The following HNF4G variants were observed in gnomAD, a reference collection of about 807,000 sequenced individuals.
The protein encoded by HNF4G is hepatocyte nuclear factor 4-gamma.
Under a neutral mutation model 50.9 loss-of-function variants are expected in HNF4G, and 21 were observed. The observed-to-expected ratio is 0.41, with a 90% confidence interval of 0.29 to 0.59. The LOEUF is 0.59. HNF4G is among the 20% of genes least tolerant of loss of function. HNF4G has a pLI of 0.26. For missense variants in HNF4G, 527 were observed against 559.4 expected, an observed-to-expected ratio of 0.94 and a Z score of 0.58; for synonymous variants, 198 against 185.6, an observed-to-expected ratio of 1.07 and a Z score of -0.54.
At chr8:75,552,101 C>T (rs1284465333) in intron 4 of HNF4G, among the ~76,000 whole-genome samples, 1 of 152,040 alleles carries the variant, frequency 6.6e-6, no homozygotes, top group Non-Finnish European at 1.5e-5. Context: ...TTTAGCATTG[C>T]CCTTATTAGA....
intron 1 of HNF4G, among the ~76,000 whole-genome samples, chr8:75,486,131 C>T (rs1182799756): frequency 1.3e-5 from 2 of 152,174 alleles, no homozygotes; most frequent in Admixed American, 6.5e-5. Flanking sequence ...GAATTACAGT[C>T]CCTGCCTTAA....
At chr8:75,423,811 CTTTCTTTTTTTTTTTT>C (rs1188042370) in intron 1 of HNF4G, among the ~76,000 whole-genome samples, 1 of 58,496 alleles carries the variant, frequency 1.7e-5, no homozygotes, top group African/African-American at 5.8e-5. Flanking sequence ...TGCCAAGTTT[CTTTCTTTTTTTTTTTT>C]TTTTTTTTTT....
intron 2 of HNF4G, among the ~76,000 whole-genome samples, chr8:75,495,073 G>T (rs1053293768): frequency 6.6e-6 from 1 of 152,062 alleles, no homozygotes; most frequent in Non-Finnish European, 1.5e-5. Flanking sequence ...TGATAGGAGA[G>T]AAAAAATGGC....
intron 2 of HNF4G, among the ~76,000 whole-genome samples, chr8:75,531,988 A>G (rs1045106936): frequency 6.6e-6 from 1 of 152,042 alleles, no homozygotes; most frequent in Admixed American, 6.6e-5. Context: ...TAATGGCTTT[A>G]TATTATGTTT....
At chr8:75,522,352 G>A (rs1806067422) in intron 2 of HNF4G, among the ~76,000 whole-genome samples, 1 of 152,134 alleles carries the variant, frequency 6.6e-6, no homozygotes, top group South Asian at 2.1e-4. Flanking sequence ...GTAATAACAT[G>A]ATGGATTAAA....
intron 2 of HNF4G, among the ~76,000 whole-genome samples, chr8:75,545,239 A>ATGTGTGTG (rs57486410): frequency 0.2 from 28,710 of 145,392 alleles, 2,895 homozygotes; most frequent in African/African-American, 0.24. Flanking sequence ...TTAAAATTGA[A>ATGTGTGTG]TGTGTGTGTG....
chr8:75,546,213 G>GC (rs961905668), intron 2 of HNF4G, among the ~76,000 whole-genome samples: 54 of 152,082 alleles, frequency 3.6e-4, no homozygotes, highest in African/African-American at 1.3e-3. Flanking sequence ...CTTAATATTT[G>GC]CCCCCAACTA....
chr8:75,539,943 G>C lies in HNF4G; in HGVS notation c.-20G>C. 9.0e-7 allele frequency: 1 copy of C among 1,113,238 alleles called. No homozygotes were observed. The highest frequency in any genetic ancestry group is 1.2e-5 in the South Asian group (1 of 80,544). 69.0% of individuals were successfully genotyped at this position (1,113,238 alleles called of 1,614,324 possible). On this transcript the variant is annotated 5_prime_UTR_variant, in exon 1 of 10. Coordinates refer to ENST00000396423, the MANE Select transcript of HNF4G (RefSeq NM_004133.5). ...GCACTCTGGGCTTGTGGTGCCACTT[G>C]TATGTGTGTTTCTAAATCAATGATG...
At chr8:75,438,353 A>T (rs1811190800) in intron 1 of HNF4G, among the ~76,000 whole-genome samples, 1 of 152,192 alleles carries the variant, frequency 6.6e-6, no homozygotes, top group African/African-American at 2.4e-5. Flanking sequence ...TCCTATATTG[A>T]CATCTAAAAC....
In HNF4G at chr8:75,424,562, C is replaced by G. The variant is rs1398068120; in HGVS notation, c.-144+16400C>G. The stretch of plus-strand genomic sequence containing the variant: ...CTCTCCCTCCCACCTTTTGGAGTTC[C>G]CAGAGTCTACTGTTCCTAACTGTAT... On this transcript the variant is annotated intron_variant, in intron 1 of 10. Transcript: ENST00000354370. 2.0e-5 allele frequency among the ~76,000 whole-genome samples: 3 copies of G among 152,096 alleles called. No individual in the cohort carries two copies. The East Asian group carries it at 5.8e-4, about 29-fold the overall frequency.
At chr8:75,552,931 A>C (rs1012133396) in intron 4 of HNF4G, 111 bp from the exon 5 acceptor site, 24 of 634,626 alleles carry the variant, frequency 3.8e-5, no homozygotes, top group Non-Finnish European at 5.9e-5. Context: ...ATACTGTAAC[A>C]ACAATAGTGC....
At chr8:75,426,208 G>T (rs1810887737) in intron 1 of HNF4G, among the ~76,000 whole-genome samples, 1 of 151,736 alleles carries the variant, frequency 6.6e-6, no homozygotes, top group South Asian at 2.1e-4. Flanking sequence ...GACTTTTATT[G>T]TCATACTGTT....
chr8:75,429,221 C>T (rs1479899196), intron 1 of HNF4G, among the ~76,000 whole-genome samples: 1 of 152,156 alleles, frequency 6.6e-6, no homozygotes, highest in Non-Finnish European at 1.5e-5. Context: ...CAGATTTGTA[C>T]ACCTAACATG....
At chr8:75,519,770 CT>C (rs1427079855) in intron 2 of HNF4G, among the ~76,000 whole-genome samples, 4 of 151,910 alleles carry the variant, frequency 2.6e-5, no homozygotes, top group African/African-American at 7.3e-5. Flanking sequence ...CTTGTTTAAA[CT>C]TTTAATCTGT....
At chr8:75,552,508 G>A (rs1195271793) in intron 4 of HNF4G, among the ~76,000 whole-genome samples, 1 of 151,960 alleles carries the variant, frequency 6.6e-6, no homozygotes, top group African/African-American at 2.4e-5. Context: ...CAACATTGCT[G>A]AGTCACACAT....
chr8:75,462,119 G>A (rs1157948093), intron 1 of HNF4G, among the ~76,000 whole-genome samples: 5 of 152,004 alleles, frequency 3.3e-5, no homozygotes, highest in African/African-American at 1.2e-4. Flanking sequence ...GTTTCTCCAT[G>A]TTGGTCAGGC....
At chr8:75,444,977 T>G (rs1811388859) in intron 1 of HNF4G, among the ~76,000 whole-genome samples, 1 of 146,622 alleles carries the variant, frequency 6.8e-6, no homozygotes, top group South Asian at 2.2e-4. Context: ...AGAATATACA[T>G]TTTTTTCAGC....
chr8:75,466,354 A>G (rs1269707724), intron 1 of HNF4G, among the ~76,000 whole-genome samples: 1 of 151,820 alleles, frequency 6.6e-6, no homozygotes, highest in Non-Finnish European at 1.5e-5. Flanking sequence ...GTTTATTTTT[A>G]TAGATTTTAT....
At chr8:75,539,786 CA>C, upstream of HNF4G, 1 of 492,338 alleles carries the variant, frequency 2.0e-6, no homozygotes, top group East Asian at 3.3e-5. Flanking sequence ...AAGAAATAAG[CA>C]GAATATGGCC....
Sources: gnomAD v4.1 joint callset for allele counts (sites outside exome capture counted in the v4.1 genomes callset) on GRCh38, gnomAD v4.1.1 for gene constraint, MANE v1.5 for transcripts, NCBI Gene and HGNC (gene_info 2026-07-23, HGNC 2026-07-21) for gene names.